Variants in NCOA1 observed in about 807,000 individuals in gnomAD.
NCOA1 encodes the protein Hin-2 protein.
NCOA1 carries 35 observed loss-of-function variants against 150.9 expected under a neutral mutation model. The ratio of observed to expected loss-of-function variants is 0.23; its 90% CI spans 0.18 to 0.31. The LOEUF (loss-of-function observed/expected upper bound fraction) is 0.31. Ranked by LOEUF, NCOA1 falls within the 10% of genes least tolerant of loss-of-function variation. NCOA1 has a pLI of 1.00. For missense variants in NCOA1, 1,491 were observed against 1,749.3 expected, an observed-to-expected ratio of 0.85 and a Z score of 2.63; for synonymous variants, 590 against 630.0, an observed-to-expected ratio of 0.94 and a Z score of 0.95.
At chr2:24,751,831 C>T (rs1018184558) in intron 19 of NCOA1, 151 bp from the exon 20 acceptor site, 7 of 748,514 alleles carry the variant, frequency 9.4e-6, no homozygotes, top group Middle Eastern at 4.0e-4. Context: ...CTGTTGAATG[C>T]GATATTTGTA....
intron 19 of NCOA1, among the ~76,000 whole-genome samples, chr2:24,743,565 G>T (rs1663721100): frequency 6.6e-6 from 1 of 152,180 alleles, no homozygotes; most frequent in South Asian, 2.1e-4. Flanking sequence ...TAATTATATG[G>T]TTGCCTGAAC....
At position 24,642,037 on chromosome 2, in the gene NCOA1, T is replaced by TGTGTGTGTGTGTGTGTGC. The variant is rs942145000; in HGVS notation, c.-174-1928_-174-1927insTGTGTGTGTGTGTGTGCG. Among the ~76,000 whole-genome samples, 132 of 138,550 alleles carry TGTGTGTGTGTGTGTGTGC rather than the reference T, an allele frequency of 9.5e-4. 1 individual carries two copies. The highest frequency in any genetic ancestry group is 1.3e-3 in the African/African-American group (49 of 39,154). 90.9% of individuals were successfully genotyped at this position (138,550 alleles called of 152,430 possible). On this transcript the variant is annotated intron_variant, in intron 3 of 22. Coordinates refer to ENST00000348332, the MANE Select transcript of NCOA1 (RefSeq NM_003743.5). ...GTGTGTGTGTGTGTGTGTGTGTGTG[T>TGTGTGTGTGTGTGTGTGC]GCGCGCGTGCGTATGTGTGTGTGTA...
At position 24,537,401 on chromosome 2, in the gene NCOA1, T is replaced by C. The variant is rs61519929; in HGVS notation, c.-395-26894T>C. 8.0e-3 allele frequency among the ~76,000 whole-genome samples: 1,213 copies of C among 152,160 alleles called. 21 individuals carry two copies. Among genetic ancestry groups the C allele is most frequent in the African/African-American group, 0.028 (1,145 of 41,506 alleles). ...GAAAAATATTGTATGATCTCACTTA[T>C]ATGTGGGAGATTATATATATATGTG... is the stretch of plus-strand genomic sequence containing the variant. On this transcript the variant is annotated intron_variant, in intron 1 of 22. Coordinates refer to ENST00000348332, the MANE Select transcript of NCOA1 (RefSeq NM_003743.5).
intron 3 of NCOA1, among the ~76,000 whole-genome samples, chr2:24,613,346 A>G (rs1363889480): frequency 6.6e-6 from 1 of 152,214 alleles, no homozygotes; most frequent in Non-Finnish European, 1.5e-5. Flanking sequence ...CATTGGGCTG[A>G]TACGTGGAGT....
intron 1 of NCOA1, among the ~76,000 whole-genome samples, chr2:24,534,353 T>C (rs2148174706): frequency 6.6e-6 from 1 of 152,254 alleles, no homozygotes; most frequent in South Asian, 2.1e-4. Context: ...TTATTAGTCT[T>C]GCTAGAGGAC....
chr2:24,514,764 CAG>C (rs556368473), intron 1 of NCOA1, among the ~76,000 whole-genome samples: 196 of 151,260 alleles, frequency 1.3e-3, no homozygotes, highest in African/African-American at 4.3e-3. Context: ...GGTGACAGGG[CAG>C]AGTGTCTCAA....
At chr2:24,533,997 G>T in intron 1 of NCOA1, among the ~76,000 whole-genome samples, 1 of 152,152 alleles carries the variant, frequency 6.6e-6, no homozygotes, top group African/African-American at 2.4e-5. Flanking sequence ...CTGTTGATTG[G>T]AATAGTTTCA....
At chr2:24,743,834 C>A (rs1243785939) in intron 19 of NCOA1, among the ~76,000 whole-genome samples, 1 of 152,164 alleles carries the variant, frequency 6.6e-6, no homozygotes, top group African/African-American at 2.4e-5. Context: ...GGGGAAAAAG[C>A]TAACTAGAAG....
In NCOA1 at chr2:24,580,931, C is replaced by T. The variant is rs112032844; in HGVS notation, c.-259-3545C>T. 9.7e-4 allele frequency among the ~76,000 whole-genome samples: 147 copies of T among 152,316 alleles called. 1 individual carries two copies. The highest frequency in any genetic ancestry group is 3.3e-3 in the African/African-American group (136 of 41,568). The stretch of plus-strand genomic sequence containing the variant: ...TAAATGTTCTGATTTAGTTGGCTTT[C>T]TCTGGCCCTGCCCCCGCATGAGAAG... On this transcript the variant is annotated intron_variant, in intron 2 of 22. Coordinates refer to ENST00000348332, the MANE Select transcript of NCOA1 (RefSeq NM_003743.5).
intron 1 of NCOA1, among the ~76,000 whole-genome samples, chr2:24,510,909 T>C (rs1157029413): frequency 6.6e-6 from 1 of 152,218 alleles, no homozygotes; most frequent in African/African-American, 2.4e-5. Context: ...CAGCTTTTAG[T>C]ATATTCACAA....
intron 1 of NCOA1, among the ~76,000 whole-genome samples, chr2:24,562,617 T>C (rs1242713825): frequency 6.6e-6 from 1 of 152,166 alleles, no homozygotes; most frequent in Non-Finnish European, 1.5e-5. Flanking sequence ...GCATTAAGGG[T>C]TGCTGCACAG....
chr2:24,711,176 C>CT, intron 14 of NCOA1, 65 bp downstream of exon 14: 1 of 1,477,174 alleles, frequency 6.8e-7, no homozygotes, highest in Non-Finnish European at 9.2e-7. Context: ...CATTTTGTCT[C>CT]TCACCAGTAT....
rs1666404618 is a variant in NCOA1 at position 24,564,280 on chromosome 2, T to G, written c.-395-15T>G. The G allele has an allele frequency of 6.6e-6, 1 of 152,162 alleles. No homozygotes were observed. Among genetic ancestry groups the G allele is most frequent in the Admixed American group, 6.5e-5 (1 of 15,274 alleles). The allele number at this position is 152,162 out of a possible 1,614,324, so 9.4% of individuals were successfully genotyped here. ...TTTTCAATGGCCCAATTGTGTCTTC[T>G]CTCTCCTGCTTTAGATCTATCCATA... On this transcript the variant is annotated splice_polypyrimidine_tract_variant and intron_variant, in intron 1 of 22. Transcript: ENST00000348332.
At chr2:24,551,992 A>G (rs775079470) in intron 1 of NCOA1, among the ~76,000 whole-genome samples, 20 of 152,070 alleles carry the variant, frequency 1.3e-4, no homozygotes, top group Non-Finnish European at 2.9e-4. Context: ...TATCCCTTCT[A>G]TTCCATTATC....
chr2:24,586,276 A>T (rs1385851114), intron 3 of NCOA1, among the ~76,000 whole-genome samples: 1 of 25,710 alleles, frequency 3.9e-5, no homozygotes, highest in Non-Finnish European at 1.2e-4. Flanking sequence ...ACTCGGTCTC[A>T]AAAAAAAAAA....
chr2:24,742,976 GC>G (rs1280713294), intron 19 of NCOA1, among the ~76,000 whole-genome samples: 2 of 152,116 alleles, frequency 1.3e-5, no homozygotes, highest in Non-Finnish European at 2.9e-5. Flanking sequence ...GCTTCCAAAA[GC>G]TTTTTTCTTT....
At chr2:24,599,725 C>CTTT (rs33950079) in intron 3 of NCOA1, among the ~76,000 whole-genome samples, 2 of 108,500 alleles carry the variant, frequency 1.8e-5, no homozygotes, top group African/African-American at 6.4e-5. Context: ...TATGATTGAT[C>CTTT]TTTTTTTTTT....
At chr2:24,596,324 G>C (rs1667883206) in intron 3 of NCOA1, among the ~76,000 whole-genome samples, 1 of 152,008 alleles carries the variant, frequency 6.6e-6, no homozygotes, top group Non-Finnish European at 1.5e-5. Flanking sequence ...ATATCGGTTT[G>C]GTTAATATTG....
intron 12 of NCOA1, 121 bp downstream of exon 12, chr2:24,705,354 GT>G: frequency 1.1e-6 from 1 of 943,570 alleles, no homozygotes; most frequent in South Asian, 1.6e-5. Context: ...TAAAACTAGT[GT>G]GATGAGTATA....
Sources: gnomAD v4.1 joint callset for allele counts (sites outside exome capture counted in the v4.1 genomes callset) on GRCh38, gnomAD v4.1.1 for gene constraint, MANE v1.5 for transcripts, NCBI Gene and HGNC (gene_info 2026-07-23, HGNC 2026-07-21) for gene names.